ARHGEF1: variants seen among roughly 807,000 people sequenced by gnomAD.
The protein encoded by ARHGEF1 is Rho guanine nucleotide exchange factor 1.
ARHGEF1 carries 40 observed loss-of-function variants against 119.7 expected under a neutral mutation model. That is an observed-to-expected ratio of 0.33 (90% CI 0.26 to 0.44). ARHGEF1 has a LOEUF of 0.44. ARHGEF1 is among the 20% of genes least tolerant of loss of function. ARHGEF1 has a pLI of 1.00. For synonymous variants in ARHGEF1, 494 were observed against 521.0 expected (o/e 0.95, Z 0.71); for missense variants, 976 against 1,268.3 (o/e 0.77, Z 3.50).
At position 41,892,628 on chromosome 19, in the gene ARHGEF1, C is replaced by T. The variant is rs554668510; in HGVS notation, c.393C>T (p.Ser131=). Residue 131 remains serine (S), a synonymous_variant, in exon 7 of 29, where the codon TCC becomes TCT. Coordinates refer to ENST00000354532, the MANE Select transcript of ARHGEF1 (RefSeq NM_004706.4). This position sits in a 1 kb window ranked among gnomAD's most constrained non-coding sequence, Gnocchi z 6.3. ...ACCGCACTAGGGCTGACCTCATCTC[C>T]GAGGATGTCCAGCGGCGGTTCGTGC... ...ELDRTRADLI[S]EDVQRRFVQE... The T allele has an allele frequency of 5.1e-5, 82 of 1,609,936 alleles. No individual in the cohort carries two copies. In the South Asian group the frequency reaches 6.4e-4, roughly 13 times the overall value.
In ARHGEF1 at chr19:41,906,899, T is replaced by C; in HGVS notation, c.*17+96T>C. 1 of 1,051,604 alleles carries C rather than the reference T, an allele frequency of 9.5e-7. No homozygotes were observed. The highest frequency in any genetic ancestry group is 1.4e-6 in the Non-Finnish European group (1 of 737,764). The allele number at this position is 1,051,604 out of a possible 1,614,324, so 65.1% of individuals were successfully genotyped here. On this transcript the variant is annotated intron_variant, in intron 28 of 28. Coordinates refer to ENST00000354532, the MANE Select transcript of ARHGEF1 (RefSeq NM_004706.4). The surrounding 1 kb of genome is among the most constrained non-coding windows in gnomAD (Gnocchi z 4.5). Reference sequence around the variant, plus strand: ...CAGCCCCTTCTGTCCATCTCCCTCTTTGTCTTTTCTGAATCTCCCCACTCC... The same window carrying C: ...CAGCCCCTTCTGTCCATCTCCCTCTCTGTCTTTTCTGAATCTCCCCACTCC...
Position 41,902,081 on chromosome 19 carries a change from C to T in ARHGEF1, c.1414+48C>T. ...TCTGTGTACCCCACTGCCCCACGGG[C>T]AGCTCTGCTCTAGCCCTGGGTTCAA... On this transcript the variant is annotated intron_variant, in intron 15 of 28. Coordinates refer to ENST00000354532, the MANE Select transcript of ARHGEF1 (RefSeq NM_004706.4). This position sits in a 1 kb window ranked among gnomAD's most constrained non-coding sequence, Gnocchi z 6.5. 1 of 1,606,298 alleles carries T rather than the reference C, an allele frequency of 6.2e-7. No individual in the cohort carries two copies. The highest frequency in any genetic ancestry group is 2.2e-5 in the East Asian group (1 of 44,818).
At chr19:41,897,446 T>TGTCCC in intron 13 of ARHGEF1, 2 of 653,814 alleles carry the variant, frequency 3.1e-6, no homozygotes, top group Non-Finnish European at 4.2e-6. Context: ...GGTGGGGACA[T>TGTCCC]CACCCTCCCA....
At position 41,885,329 on chromosome 19, in the gene ARHGEF1, C is replaced by T. The variant is rs367668613; in HGVS notation, c.-20+2040C>T. On this transcript the variant is annotated intron_variant, in intron 1 of 28. Transcript: ENST00000354532. ...GCCTAGGCCATAGTGACCACATACC[C>T]GTGACTTTTCCAGGCATCCATAAGA... 1.6e-4 allele frequency among the ~76,000 whole-genome samples: 24 copies of T among 152,328 alleles called. No individual in the cohort carries two copies. The East Asian group carries it at 3.9e-3, about 24-fold the overall frequency.
chr19:41,915,388 C>T (rs1355482518), intron 18 of ARHGEF1, among the ~76,000 whole-genome samples: 6 of 151,538 alleles, frequency 4.0e-5, no homozygotes, highest in South Asian at 2.1e-4. Context: ...TCGCCTCTGC[C>T]GCCCTGTCCC....
chr19:41,907,037 C>G, intron 28 of ARHGEF1, 68 bp from the exon 29 acceptor site: 2 of 1,381,876 alleles, frequency 1.4e-6, no homozygotes, highest in Non-Finnish European at 1.9e-6. Context: ...TGTCTTGTCT[C>G]TGTGTCTGTC....
At chr19:41,921,066 T>TC (rs2074839275), upstream of ARHGEF1, among the ~76,000 whole-genome samples, 1 of 151,642 alleles carries the variant, frequency 6.6e-6, no homozygotes, top group African/African-American at 2.4e-5. This position sits in a 1 kb window ranked among gnomAD's most constrained non-coding sequence, Gnocchi z 4.4. Flanking sequence ...CGAGGGAGCG[T>TC]CCCCGGGGAG....
At chr19:41,918,871 A>G (rs2074820446), upstream of ARHGEF1, among the ~76,000 whole-genome samples, 1 of 147,806 alleles carries the variant, frequency 6.8e-6, no homozygotes, top group East Asian at 2.0e-4. Context: ...CACACACCAC[A>G]TATCCACACA....
chr19:41,910,751 G>A (rs1046690992), downstream of ARHGEF1, among the ~76,000 whole-genome samples: 4 of 152,186 alleles, frequency 2.6e-5, no homozygotes, highest in South Asian at 2.1e-4. This position sits in a 1 kb window ranked among gnomAD's most constrained non-coding sequence, Gnocchi z 4.4. Flanking sequence ...ACATGCCCAC[G>A]GAAGACATGT....
upstream of ARHGEF1, among the ~76,000 whole-genome samples, chr19:41,919,430 A>T (rs2074824318): frequency 6.6e-6 from 1 of 152,166 alleles, no homozygotes; most frequent in Non-Finnish European, 1.5e-5. Flanking sequence ...GACACACAGT[A>T]TCACTCAATT....
chr19:41,928,394 C>T (rs2074884789), intron 1 of ARHGEF1: 1 of 153,496 alleles, frequency 6.5e-6, no homozygotes, highest in Non-Finnish European at 1.4e-5. Context: ...GCACAGCGAG[C>T]GCGGGCGGGC....
intron 1 of ARHGEF1, chr19:41,928,490 C>G (rs1568838444): frequency 6.5e-6 from 1 of 154,718 alleles, no homozygotes; most frequent in Non-Finnish European, 1.4e-5. Context: ...TCCTCCTGCT[C>G]CTCCTCCTCC....
At chr19:41,884,502 C>A in intron 1 of ARHGEF1, 1 of 1,606,986 alleles carries the variant, frequency 6.2e-7, no homozygotes, top group Non-Finnish European at 8.5e-7. Flanking sequence ...AGGTGAGGGA[C>A]GCGGTCCCCA....
chr19:41,904,184 G>C lies in ARHGEF1; in HGVS notation c.1994-32G>C. 2 of 1,612,550 alleles carry C rather than the reference G, an allele frequency of 1.2e-6. No homozygotes were observed. Among genetic ancestry groups the C allele is most frequent in the African/African-American group, 2.7e-5 (2 of 75,026 alleles). On this transcript the variant is annotated intron_variant, in intron 21 of 28. Coordinates refer to ENST00000354532, the MANE Select transcript of ARHGEF1 (RefSeq NM_004706.4). This position sits in a 1 kb window ranked among gnomAD's most constrained non-coding sequence, Gnocchi z 8.4. ...AAGGGCGGGGAGGGGGTCGCGCGGG[G>C]GCACGCCGTGTGAGCACTGCTCGCC...
rs2074252951 is a variant in ARHGEF1 at position 41,883,595 on chromosome 19, C to T, written c.-20+306C>T. 6.6e-6 allele frequency among the ~76,000 whole-genome samples: 1 copy of T among 152,112 alleles called. No individual in the cohort carries two copies. Among genetic ancestry groups the T allele is most frequent in the South Asian group, 2.1e-4 (1 of 4,830 alleles). On this transcript the variant is annotated intron_variant, in intron 1 of 28. Transcript: ENST00000354532. This position sits in a 1 kb window ranked among gnomAD's most constrained non-coding sequence, Gnocchi z 7.6. ...TTGTACGGGTGGGGAAACCGAGGCC[C>T]GGGGAGCCAAACCGACTCGTCCCAG...
At chr19:41,918,509 CCA>C (rs528436260), upstream of ARHGEF1, among the ~76,000 whole-genome samples, 2,599 of 145,492 alleles carry the variant, frequency 0.018, 28 homozygotes, top group Non-Finnish European at 0.028. Flanking sequence ...CACACACACA[CCA>C]CACACATCAC....
Position 41,894,542 on chromosome 19 carries a change from C to A in ARHGEF1, c.836C>A (p.Pro279His), listed in dbSNP as rs2074445333. ...LDAARWNRGE[P>H]QVPDFRHLKA... ...GCCGCCCGCTGGAACCGGGGAGAGC[C>A]CCAGGGTAAGGCGGCTCTGGCCTCT... Residue 279 changes from proline (P) to histidine (H), a missense_variant, in exon 10 of 29, where the codon CCC becomes CAC. Pro to His is a moderately conservative substitution (Grantham distance 77). Around this residue, in one of 3 missense-constraint regions of ARHGEF1, gnomAD observed 519 missense variants for 580.9 expected, o/e 0.89. Transcript: ENST00000354532. The A allele has an allele frequency of 1.2e-6, 2 of 1,613,338 alleles. No individual in the cohort carries two copies. Among genetic ancestry groups the A allele is most frequent in the African/African-American group, 2.7e-5 (2 of 74,878 alleles).
Position 41,905,149 on chromosome 19 carries a change from C to A in ARHGEF1, c.2250-26C>A. ...GCATAGGGTCTGGGGGCTCTGACTG[C>A]CCAGGGATTTGGCCTTTCTCCCCAG... On this transcript the variant is annotated intron_variant, in intron 23 of 28. Coordinates refer to ENST00000354532, the MANE Select transcript of ARHGEF1 (RefSeq NM_004706.4). The surrounding 1 kb of genome is among the most constrained non-coding windows in gnomAD (Gnocchi z 6.4). 6.2e-7 allele frequency: 1 copy of A among 1,613,244 alleles called. No homozygotes were observed. The highest frequency in any genetic ancestry group is 8.5e-7 in the Non-Finnish European group (1 of 1,179,336).
intron 1 of ARHGEF1, among the ~76,000 whole-genome samples, 156 bp from the exon 2 acceptor site, chr19:41,887,908 G>T (rs1555845480): frequency 2.0e-5 from 3 of 152,208 alleles, no homozygotes; most frequent in African/African-American, 7.2e-5. Context: ...GTCTCTGAAG[G>T]GCTCTTTGTG....
Sources: gnomAD v4.1 joint callset for allele counts (sites outside exome capture counted in the v4.1 genomes callset) on GRCh38, gnomAD v4.1.1 for gene constraint, gnomAD v4.1.1 regional missense constraint, Gnocchi (gnomAD v3.1) non-coding constraint, MANE v1.5 for transcripts, NCBI Gene and HGNC (gene_info 2026-07-23, HGNC 2026-07-21) for gene names.